Variants in TPD52 observed in about 807,000 individuals in gnomAD.
The protein encoded by TPD52 is prostate and colon associated protein.
TPD52 carries 17 observed loss-of-function variants against 31.3 expected under a neutral mutation model. The ratio of observed to expected loss-of-function variants is 0.54; its 90% confidence interval spans 0.37 to 0.82. The LOEUF (loss-of-function observed/expected upper bound fraction) is 0.82, where lower values mean the gene tolerates loss of function less well. Among genes scored for constraint, TPD52 ranks in the 40% least tolerant of loss-of-function variants. TPD52 has a pLI of 0.00. For missense variants in TPD52, 212 were observed against 240.1 expected, an observed-to-expected ratio of 0.88 and a Z score of 0.77; for synonymous variants, 83 against 89.6, an observed-to-expected ratio of 0.93 and a Z score of 0.42.
chr8:80,116,240 A>G (rs1463353786), intron 1 of TPD52, among the ~76,000 whole-genome samples: 1 of 152,222 alleles, frequency 6.6e-6, no homozygotes, highest in Non-Finnish European at 1.5e-5. Flanking sequence ...TCACTAAAAG[A>G]TGAATTCAAT....
chr8:80,058,439 A>T (rs1239818037), intron 2 of TPD52, among the ~76,000 whole-genome samples: 1 of 152,256 alleles, frequency 6.6e-6, no homozygotes, highest in Non-Finnish European at 1.5e-5. Flanking sequence ...ATATTGGCAT[A>T]AAAATGTTTT....
chr8:80,157,818 T>C (rs1458979105), intron 1 of TPD52, among the ~76,000 whole-genome samples: 1 of 152,204 alleles, frequency 6.6e-6, no homozygotes, highest in African/African-American at 2.4e-5. Flanking sequence ...GCAAGGCTCT[T>C]ACACATTAAA....
chr8:80,158,298 T>G (rs867927152), intron 1 of TPD52: 4 of 144,434 alleles, frequency 2.8e-5, no homozygotes, highest in African/African-American at 1.0e-4. Context: ...TCTCCTCAAC[T>G]CCACCCCCCA....
intron 1 of TPD52, among the ~76,000 whole-genome samples, chr8:80,102,035 G>T (rs1806780723): frequency 1.3e-5 from 2 of 152,242 alleles, no homozygotes; most frequent in Admixed American, 1.3e-4. Flanking sequence ...CATTGGGAAT[G>T]AAGGAGTACA....
chr8:80,121,407 TG>T (rs1279097123), intron 1 of TPD52, among the ~76,000 whole-genome samples: 1 of 152,168 alleles, frequency 6.6e-6, no homozygotes, highest in Admixed American at 6.5e-5. Flanking sequence ...TAAAAGATTA[TG>T]GCCATGGAGA....
chr8:80,090,203 G>A (rs1816151811), intron 1 of TPD52, among the ~76,000 whole-genome samples: 1 of 152,056 alleles, frequency 6.6e-6, no homozygotes, highest in Non-Finnish European at 1.5e-5. Flanking sequence ...GCCAGCATGG[G>A]CAACAAAGCG....
intron 3 of TPD52, chr8:80,052,605 C>T: frequency 7.8e-7 from 1 of 1,286,480 alleles, no homozygotes; most frequent in Non-Finnish European, 1.0e-6. Flanking sequence ...TCTGTGCTCA[C>T]CAGCTCTGCA....
intron 1 of TPD52, among the ~76,000 whole-genome samples, chr8:80,082,833 A>T (rs1342933940): frequency 1.3e-5 from 2 of 152,262 alleles, no homozygotes; most frequent in Non-Finnish European, 2.9e-5. Flanking sequence ...ATGATGGCTC[A>T]TGTAGATGTT....
At chr8:80,091,330 G>C (rs574557807) in intron 1 of TPD52, among the ~76,000 whole-genome samples, 2 of 152,104 alleles carry the variant, frequency 1.3e-5, no homozygotes, top group Non-Finnish European at 2.9e-5. Context: ...TTAGCTGGGC[G>C]TGGTGGCGGG....
intron 1 of TPD52, among the ~76,000 whole-genome samples, chr8:80,141,614 T>C (rs1488720186): frequency 6.6e-6 from 1 of 152,070 alleles, no homozygotes; most frequent in African/African-American, 2.4e-5. Context: ...CTGCAGAAAC[T>C]GTGAGATATA....
intron 2 of TPD52, among the ~76,000 whole-genome samples, chr8:80,063,980 G>C (rs1462704624): frequency 7.5e-6 from 1 of 134,208 alleles, no homozygotes; most frequent in African/African-American, 2.8e-5. Flanking sequence ...AGAAGGAGGG[G>C]AGGGAGGGAG....
At chr8:80,032,941 G>C (rs1809728128), downstream of TPD52, 1 of 152,406 alleles carries the variant, frequency 6.6e-6, no homozygotes, top group African/African-American at 2.4e-5. Context: ...TGCTGGCCCA[G>C]ATCCCACACC....
Position 80,171,518 on chromosome 8 carries a change from G to A in TPD52, c.-75C>T. 1.4e-6 allele frequency: 2 copies of A among 1,479,998 alleles called. No individual in the cohort carries two copies. The highest frequency in any genetic ancestry group is 5.8e-5 in the East Asian group (2 of 34,720). 91.7% of individuals were successfully genotyped at this position (1,479,998 alleles called of 1,614,324 possible). A position where few individuals can be genotyped will look rare whatever the true frequency, so the allele number is the denominator to read the frequency against. On this transcript the variant is annotated 5_prime_UTR_variant, in exon 1 of 8. Transcript: ENST00000518937. ...CGTCCCGGCTCGGATCGCCCGCCGC[G>A]CCGCGCAGAGCTCCTCCTCGCCTCC...
chr8:80,135,803 T>G (rs12544868), intron 1 of TPD52, among the ~76,000 whole-genome samples: 48,136 of 130,130 alleles, frequency 0.37, 7,446 homozygotes, highest in East Asian at 0.7. Context: ...TATGCAGCCA[T>G]AAAAAATGAT....
intron 1 of TPD52, among the ~76,000 whole-genome samples, chr8:80,098,820 A>C (rs114798839): frequency 4.5e-4 from 68 of 152,318 alleles, no homozygotes; most frequent in African/African-American, 1.5e-3. Flanking sequence ...TGCTACAGAG[A>C]AATTTTTTTG....
rs780055022 is a variant in TPD52, at chr8:80,038,108, T to C, written c.*8A>G. 7 of 1,613,730 alleles carry C rather than the reference T, an allele frequency of 4.3e-6. No homozygotes were observed. Among genetic ancestry groups the C allele is most frequent in the Admixed American group, 3.3e-5 (2 of 60,004 alleles). ...CTGGCAGTGGGTAGCAGAACAAAGG[T>C]AGGAATCTCACAGGCTCTCCTGTGT... On this transcript the variant is annotated 3_prime_UTR_variant, in exon 8 of 8. Coordinates refer to ENST00000518937, the MANE Select transcript of TPD52 (RefSeq NM_001025253.3).
At chr8:80,161,837 C>G (rs574083976) in intron 1 of TPD52, among the ~76,000 whole-genome samples, 1 of 151,516 alleles carries the variant, frequency 6.6e-6, no homozygotes, top group Admixed American at 6.6e-5. Flanking sequence ...TCAAGCGATT[C>G]TCTTGCCTCA....
At chr8:80,136,800 T>C (rs1287563390) in intron 1 of TPD52, among the ~76,000 whole-genome samples, 1 of 152,182 alleles carries the variant, frequency 6.6e-6, no homozygotes, top group Non-Finnish European at 1.5e-5. Context: ...TGTAAATACT[T>C]AGTTCCACTT....
At chr8:80,079,602 T>C (rs1468744854) in intron 1 of TPD52, among the ~76,000 whole-genome samples, 1 of 152,198 alleles carries the variant, frequency 6.6e-6, no homozygotes, top group Admixed American at 6.5e-5. Flanking sequence ...GATTGCTTAT[T>C]TGGCAAATTA....
Sources: gnomAD v4.1 joint callset for allele counts (sites outside exome capture counted in the v4.1 genomes callset) on GRCh38, gnomAD v4.1.1 for gene constraint, MANE v1.5 for transcripts, NCBI Gene and HGNC (gene_info 2026-07-23, HGNC 2026-07-21) for gene names.